FOXRED2: variants seen among roughly 807,000 people sequenced by gnomAD.
FOXRED2 encodes the protein FAD-dependent oxidoreductase domain-containing protein 2.
In FOXRED2, 32 loss-of-function variants were observed where a neutral mutation model predicts 52.5. The observed-to-expected ratio is 0.61, with a 90% confidence interval of 0.46 to 0.82. The LOEUF (loss-of-function observed/expected upper bound fraction) is 0.82. FOXRED2 is among the 40% of genes least tolerant of loss of function. The pLI is 0.00. For missense variants in FOXRED2, 848 were observed against 937.5 expected (o/e 0.90, Z 1.25); for synonymous variants, 405 against 398.1 (o/e 1.02, Z -0.21).
chr22:36,499,558 C>T (rs970400977), intron 5 of FOXRED2, among the ~76,000 whole-genome samples: 9 of 152,034 alleles, frequency 5.9e-5, no homozygotes, highest in Admixed American at 3.9e-4. Context: ...TCTGGGAAGT[C>T]GAGGCTGCAG....
Position 36,498,058 on chromosome 22 carries a change from G to A in FOXRED2, c.1315C>T (p.Arg439Cys), listed in dbSNP as rs1933948703. The A allele has an allele frequency of 1.5e-5, 24 of 1,614,070 alleles. No homozygotes were observed. The highest frequency in any genetic ancestry group is 1.9e-5 in the Non-Finnish European group (22 of 1,180,034). ...ITQLTSSIVR[R>C]VNEASGLYQM... The stretch of plus-strand genomic sequence containing the variant: ...TAGAGCCCAGAAGCCTCATTCACGC[G>A]CCGCACGATGGAGCTGGTCAGCTGT... The change falls in exon 6 of 9, where the codon CGC becomes TGC. Residue 439 changes from arginine (R) to cysteine (C), a missense_variant. Coordinates refer to ENST00000397224, the MANE Select transcript of FOXRED2 (RefSeq NM_001102371.2).
At chr22:36,495,152 G>C (rs1933863553) in intron 7 of FOXRED2, among the ~76,000 whole-genome samples, 4 of 151,882 alleles carry the variant, frequency 2.6e-5, no homozygotes, top group Admixed American at 2.0e-4. Context: ...TTAGAGATGG[G>C]GTTTCACCAT....
rs368589968 is a variant in FOXRED2, at chr22:36,497,945, C to T, written c.1382+46G>A. 2.5e-5 allele frequency: 39 copies of T among 1,585,010 alleles called. No individual in the cohort carries two copies. In the East Asian group the frequency reaches 2.5e-4, roughly 10 times the overall value. On this transcript the variant is annotated intron_variant, in intron 6 of 8. Transcript: ENST00000397224. Reference sequence around the variant, plus strand: ...GGAAGAGAAGCGCTATGCAGCACGTCGGGAAAGCTGGGCCGAGGGGAGTAG... The same window carrying T: ...GGAAGAGAAGCGCTATGCAGCACGTTGGGAAAGCTGGGCCGAGGGGAGTAG...
In FOXRED2 at chr22:36,501,236, C is replaced by G; in HGVS notation, c.1216+5G>C. The G allele has an allele frequency of 6.2e-7, 1 of 1,613,678 alleles. No homozygotes were observed. The highest frequency in any genetic ancestry group is 1.7e-4 in the Middle Eastern group (1 of 5,798). On this transcript the variant is annotated splice_donor_5th_base_variant and intron_variant, in intron 5 of 8. Coordinates refer to ENST00000397224, the MANE Select transcript of FOXRED2 (RefSeq NM_001102371.2). Reference sequence around the variant, plus strand: ...GGACAGTTCTGCCTTCTCAGCTGGGCTCACCTGTGTATCGGAATCCGTGGA... The same window carrying G: ...GGACAGTTCTGCCTTCTCAGCTGGGGTCACCTGTGTATCGGAATCCGTGGA...
intron 2 of FOXRED2, among the ~76,000 whole-genome samples, chr22:36,505,422 C>A (rs757458057): frequency 2.6e-5 from 4 of 152,162 alleles, no homozygotes; most frequent in Non-Finnish European, 4.4e-5. Context: ...CAGCTGGGGA[C>A]TTGGATCCTG....
In FOXRED2 at chr22:36,504,311, A is replaced by G. The variant is rs773510044; in HGVS notation, c.836T>C (p.Leu279Pro). Residue 279 changes from leucine (L) to proline (P), a missense_variant, in exon 4 of 9, where the codon CTC (leucine) becomes CCC (proline). Coordinates refer to ENST00000397224, the MANE Select transcript of FOXRED2 (RefSeq NM_001102371.2). Reference sequence around the variant, plus strand: ...GGCCAGATCCGTCAGGTCAGACTCGAGCAGCCCGTCCAGGGACTTGAGCTG... The same window carrying G: ...GGCCAGATCCGTCAGGTCAGACTCGGGCAGCCCGTCCAGGGACTTGAGCTG... ...TYQLKSLDGL[L>P]ESDLTDLAIL... 12 of 1,614,156 alleles carry G rather than the reference A, an allele frequency of 7.4e-6. No individual in the cohort carries two copies. In the South Asian group the frequency reaches 9.9e-5, roughly 13 times the overall value.
intron 7 of FOXRED2, among the ~76,000 whole-genome samples, chr22:36,494,750 C>T (rs1933849740): frequency 6.6e-6 from 1 of 151,526 alleles, no homozygotes; most frequent in East Asian, 1.9e-4. Context: ...AGCGATTCTC[C>T]TGCCTCAGCC....
At chr22:36,490,953 C>T (rs772090658) in intron 8 of FOXRED2, among the ~76,000 whole-genome samples, 16 of 152,300 alleles carry the variant, frequency 1.1e-4, no homozygotes, top group East Asian at 1.9e-4. Flanking sequence ...GTTAGGACTT[C>T]GAGACCAGCC....
chr22:36,499,271 T>G (rs1046038127), intron 5 of FOXRED2, among the ~76,000 whole-genome samples: 1 of 152,156 alleles, frequency 6.6e-6, no homozygotes, highest in African/African-American at 2.4e-5. Flanking sequence ...TGAATGTCTT[T>G]GAGTGGCAGA....
intron 4 of FOXRED2, among the ~76,000 whole-genome samples, chr22:36,503,563 G>A (rs1369198690): frequency 6.6e-6 from 1 of 151,836 alleles, no homozygotes; most frequent in Non-Finnish European, 1.5e-5. Context: ...CACCTGTCTC[G>A]GCCTCCCTAA....
chr22:36,495,427 C>T (rs1252780628), intron 7 of FOXRED2, among the ~76,000 whole-genome samples: 1 of 152,210 alleles, frequency 6.6e-6, no homozygotes, highest in Admixed American at 6.5e-5. Context: ...TTATTGGTAG[C>T]TACTCTGTGC....
chr22:36,503,910 A>T (rs1255057725), intron 4 of FOXRED2, among the ~76,000 whole-genome samples, 188 bp downstream of exon 4: 1 of 152,236 alleles, frequency 6.6e-6, no homozygotes, highest in Non-Finnish European at 1.5e-5. Flanking sequence ...CAAGGGCCTC[A>T]GGGCCACCTG....
chr22:36,493,519 G>A, intron 8 of FOXRED2, 114 bp downstream of exon 8: 2 of 800,424 alleles, frequency 2.5e-6, no homozygotes, highest in Non-Finnish European at 2.0e-6. Context: ...GGGAACAGTA[G>A]TCTGGGGTTT....
rs968541677 is a variant in FOXRED2, at chr22:36,496,514, G to A, written c.1383-306C>T. Among the ~76,000 whole-genome samples, 6 of 152,334 alleles carry A rather than the reference G, an allele frequency of 3.9e-5. 1 individual carries two copies. The highest frequency in any genetic ancestry group is 9.6e-5 in the African/African-American group (4 of 41,576). On this transcript the variant is annotated intron_variant, in intron 6 of 8. Coordinates refer to ENST00000397224, the MANE Select transcript of FOXRED2 (RefSeq NM_001102371.2). ...TTGTGTTCAAGGAACAGAAGAGGCC[G>A]ACGTGGCTGAGGGGAGTGAACAGCA...
chr22:36,496,756 T>C (rs1030170531), intron 6 of FOXRED2, among the ~76,000 whole-genome samples: 1 of 152,158 alleles, frequency 6.6e-6, no homozygotes, highest in African/African-American at 2.4e-5. Flanking sequence ...GGCTGTTGTA[T>C]GGGTGCAGGT....
intron 2 of FOXRED2, among the ~76,000 whole-genome samples, 194 bp downstream of exon 2, chr22:36,505,702 C>T (rs888080078): frequency 5.3e-5 from 8 of 151,748 alleles, no homozygotes; most frequent in Admixed American, 1.3e-4. Context: ...ACTAGAGAGG[C>T]GGAGGTTGCA....
At chr22:36,502,353 C>T (rs1407617666) in intron 4 of FOXRED2, among the ~76,000 whole-genome samples, 1 of 152,192 alleles carries the variant, frequency 6.6e-6, no homozygotes, top group East Asian at 1.9e-4. Flanking sequence ...GATACCAAAC[C>T]TCCCGAGGTA....
chr22:36,490,011 G>C lies in FOXRED2; in HGVS notation c.2052C>G (p.Leu684=), dbSNP rs1933706717. Residue 684 remains leucine (L), a synonymous_variant, in exon 9 of 9, where the codon CTC becomes CTG. Transcript: ENST00000397224. The stretch of plus-strand genomic sequence containing the variant: ...CCCACAGCTTAGGAAGGGACAGTCA[G>C]AGCTCCTCTTTGTTGCTATCGACGG... ...AQSVDSNKEE[L] 2 of 1,574,354 alleles carry C rather than the reference G, an allele frequency of 1.3e-6. No individual in the cohort carries two copies. Among genetic ancestry groups the C allele is most frequent in the Non-Finnish European group, 8.6e-7 (1 of 1,156,222 alleles).
chr22:36,495,292 C>T (rs1022434058), intron 7 of FOXRED2, among the ~76,000 whole-genome samples: 1 of 152,164 alleles, frequency 6.6e-6, no homozygotes, highest in Non-Finnish European at 1.5e-5. Context: ...CACAGACCTG[C>T]ACCCGTCACT....
Sources: gnomAD v4.1 joint callset for allele counts (sites outside exome capture counted in the v4.1 genomes callset) on GRCh38, gnomAD v4.1.1 for gene constraint, MANE v1.5 for transcripts, NCBI Gene and HGNC (gene_info 2026-07-23, HGNC 2026-07-21) for gene names.